Variants in DLGAP2 observed in about 807,000 individuals in gnomAD.
The protein encoded by DLGAP2 is disks large-associated protein 2.
A neutral mutation model predicts 100.3 loss-of-function variants in DLGAP2; 26 were observed. That is an observed-to-expected ratio of 0.26 (90% CI 0.19 to 0.36). The LOEUF is 0.36. DLGAP2 is among the 10% of genes least tolerant of loss of function. The pLI, the probability that DLGAP2 is intolerant of heterozygous loss-of-function variation, is 1.00. For missense variants in DLGAP2, 1,858 were observed against 1,453.2 expected (o/e 1.28, Z -4.53); for synonymous variants, 886 against 630.1 (o/e 1.41, Z -6.08).
rs1299345861 is a variant in DLGAP2 at position 1,619,217 on chromosome 8, CA to C, written c.1443-7520del. On this transcript the variant is annotated intron_variant, in intron 6 of 14. Coordinates refer to ENST00000637795, the MANE Select transcript of DLGAP2 (RefSeq NM_001346810.2). ...AGGTTACTTTGCAAAAGAAGATACA[CA>C]AATGTCCAATAAGAATTAGTCATCC... 9.8e-5 allele frequency among the ~76,000 whole-genome samples: 15 copies of C among 152,302 alleles called. No individual in the cohort carries two copies. In the East Asian group the frequency reaches 2.7e-3, roughly 27 times the overall value.
chr8:939,021 G>C (rs376718829), intron 2 of DLGAP2, among the ~76,000 whole-genome samples: 1 of 152,254 alleles, frequency 6.6e-6, no homozygotes, highest in Non-Finnish European at 1.5e-5. Context: ...AGCAGCCACC[G>C]GCAGGGCTGC....
intron 2 of DLGAP2, among the ~76,000 whole-genome samples, chr8:1,231,870 A>G (rs1244702057): frequency 2.0e-5 from 3 of 152,176 alleles, no homozygotes; most frequent in Non-Finnish European, 4.4e-5. Context: ...TAGCTGGGTG[A>G]CAAGTTCAGT....
intron 6 of DLGAP2, among the ~76,000 whole-genome samples, chr8:1,595,803 A>G (rs1343161531): frequency 6.6e-6 from 1 of 151,972 alleles, no homozygotes; most frequent in Non-Finnish European, 1.5e-5. Context: ...ATATTTATTT[A>G]GTAGTCTGAA....
chr8:1,249,758 G>A (rs1798995339), intron 2 of DLGAP2, among the ~76,000 whole-genome samples: 1 of 152,186 alleles, frequency 6.6e-6, no homozygotes, highest in South Asian at 2.1e-4. Flanking sequence ...ATTCAGGGGT[G>A]GGCCATTTAT....
intron 6 of DLGAP2, among the ~76,000 whole-genome samples, chr8:1,575,455 TTTATTATTATTATTA>T (rs56350882): frequency 9.2e-5 from 13 of 141,202 alleles, no homozygotes; most frequent in African/African-American, 2.1e-4. Context: ...GAGGATATTC[TTTATTATTATTATTA>T]TTATTATTAT....
intron 2 of DLGAP2, among the ~76,000 whole-genome samples, chr8:1,079,931 T>C (rs943657995): frequency 1.4e-4 from 22 of 152,300 alleles, no homozygotes; most frequent in African/African-American, 4.8e-4. Context: ...TAAGTGGCAG[T>C]GTAACAGTGC....
chr8:788,015 A>G (rs1240598313), intron 1 of DLGAP2, among the ~76,000 whole-genome samples: 1 of 127,150 alleles, frequency 7.9e-6, no homozygotes, highest in African/African-American at 3.4e-5. Context: ...GTAGGACAGC[A>G]GCATGGTGGC....
chr8:1,314,276 G>A (rs1420911114), intron 3 of DLGAP2, among the ~76,000 whole-genome samples: 1 of 152,166 alleles, frequency 6.6e-6, no homozygotes, highest in Non-Finnish European at 1.5e-5. Flanking sequence ...TTTGGTCACT[G>A]ACCCTTATAA....
intron 6 of DLGAP2, among the ~76,000 whole-genome samples, chr8:1,591,584 C>T (rs1355239337): frequency 2.0e-5 from 3 of 152,088 alleles, no homozygotes; most frequent in South Asian, 2.1e-4. Context: ...TTGTGGGGTA[C>T]GTTTCTTTGG....
chr8:1,381,782 AGTGTGTGTGTGTGT>A (rs72529197), intron 3 of DLGAP2, among the ~76,000 whole-genome samples: 4,001 of 141,776 alleles, frequency 0.028, 192 homozygotes, highest in African/African-American at 0.097. Flanking sequence ...GGGTTATTCT[AGTGTGTGTGTGTGT>A]GTGTGTGTGT....
At chr8:760,723 T>A (rs57514274) in intron 1 of DLGAP2, among the ~76,000 whole-genome samples, 2 of 152,274 alleles carry the variant, frequency 1.3e-5, no homozygotes, top group African/African-American at 4.8e-5. Flanking sequence ...GTGTCAGGCA[T>A]GTCCCTCAGT....
chr8:1,461,115 C>T (rs938863396), intron 3 of DLGAP2, among the ~76,000 whole-genome samples: 6 of 149,014 alleles, frequency 4.0e-5, no homozygotes, highest in Admixed American at 2.7e-4. Context: ...GGGCTGGGTG[C>T]AGTCGCTGAT....
chr8:1,212,925 C>T (rs1461531279), intron 2 of DLGAP2, among the ~76,000 whole-genome samples: 1 of 151,984 alleles, frequency 6.6e-6, no homozygotes, highest in Non-Finnish European at 1.5e-5. Context: ...AATTTTAGTG[C>T]TCTTCATATA....
chr8:1,056,359 T>A (rs1286547531), intron 2 of DLGAP2, among the ~76,000 whole-genome samples: 1 of 152,172 alleles, frequency 6.6e-6, no homozygotes, highest in African/African-American at 2.4e-5. Flanking sequence ...TCCAGCTCTG[T>A]GTGTCCTCTG....
chr8:975,317 G>A (rs952127196), intron 2 of DLGAP2, among the ~76,000 whole-genome samples: 1 of 152,072 alleles, frequency 6.6e-6, no homozygotes, highest in Non-Finnish European at 1.5e-5. Context: ...AAATATTTAA[G>A]GAAGATAATT....
In DLGAP2 at chr8:1,352,293, C is replaced by T. The variant is rs951878060; in HGVS notation, c.106+93410C>T. ...GTGGAAAGGACGTGCGGGTCCTGAG[C>T]GTGTGTGTGGAAAGGCCGTGCGGGT... On this transcript the variant is annotated intron_variant, in intron 3 of 14. Coordinates refer to ENST00000637795, the MANE Select transcript of DLGAP2 (RefSeq NM_001346810.2). Among the ~76,000 whole-genome samples, 15 of 39,008 alleles carry T rather than the reference C, an allele frequency of 3.8e-4. 1 individual carries two copies. Among genetic ancestry groups the T allele is most frequent in the Non-Finnish European group, 6.4e-4 (12 of 18,732 alleles). 25.6% of individuals were successfully genotyped at this position (39,008 alleles called of 152,430 possible). A position where few individuals can be genotyped will look rare whatever the true frequency, so the allele number is the denominator to read the frequency against.
chr8:1,111,697 G>A (rs556261874), intron 2 of DLGAP2, among the ~76,000 whole-genome samples: 1 of 151,968 alleles, frequency 6.6e-6, no homozygotes, highest in African/African-American at 2.4e-5. Flanking sequence ...AAAGATAATG[G>A]CCTCCAGCTC....
intron 6 of DLGAP2, among the ~76,000 whole-genome samples, chr8:1,576,126 C>G (rs1802964504): frequency 6.6e-6 from 1 of 152,096 alleles, no homozygotes. Flanking sequence ...CTCTCCAGCA[C>G]CTGTTGTTTC....
chr8:885,723 G>C lies in DLGAP2; in HGVS notation c.19-22189G>C, dbSNP rs535444659. On this transcript the variant is annotated intron_variant, in intron 1 of 14. Transcript: ENST00000637795. ...CTGGTTTTCAGATGGAATGCTTCCA[G>C]CTTTTGCTCATTCAATATGATATTG... 3.3e-5 allele frequency among the ~76,000 whole-genome samples: 5 copies of C among 152,260 alleles called. No individual in the cohort carries two copies. The South Asian group carries it at 1.0e-3, about 32-fold the overall frequency.
Sources: gnomAD v4.1 joint callset for allele counts (sites outside exome capture counted in the v4.1 genomes callset) on GRCh38, gnomAD v4.1.1 for gene constraint, MANE v1.5 for transcripts, NCBI Gene and HGNC (gene_info 2026-07-23, HGNC 2026-07-21) for gene names.